The following RBL1 variants were observed in gnomAD, a reference collection of about 807,000 sequenced individuals.
The protein encoded by RBL1 is RB transcriptional corepressor like 1.
Under a neutral mutation model 123.0 loss-of-function variants are expected in RBL1, and 82 were observed. The ratio of observed to expected loss-of-function variants is 0.67; its 90% CI spans 0.56 to 0.80. The LOEUF (loss-of-function observed/expected upper bound fraction) is 0.80, where lower values mean the gene tolerates loss of function less well. RBL1 is among the 30% of genes least tolerant of loss of function. The probability of loss-of-function intolerance (pLI) is 0.00; values close to 1 mark genes in which losing one functional copy is unlikely to be tolerated. For missense variants in RBL1, 1,171 were observed against 1,299.6 expected, an observed-to-expected ratio of 0.90 and a Z score of 1.52; for synonymous variants, 405 against 441.3, an observed-to-expected ratio of 0.92 and a Z score of 1.03.
chr20:37,024,302 C>T (rs2146233382), intron 16 of RBL1, among the ~76,000 whole-genome samples: 1 of 152,218 alleles, frequency 6.6e-6, no homozygotes, highest in African/African-American at 2.4e-5. Flanking sequence ...TCTGGTCCAG[C>T]CATGCTCAGT....
At chr20:37,086,339 CACT>C (rs796883003) in intron 2 of RBL1, among the ~76,000 whole-genome samples, 6 of 152,156 alleles carry the variant, frequency 3.9e-5, no homozygotes, top group African/African-American at 1.4e-4. Flanking sequence ...ATAGTCCCAG[CACT>C]TAGGGAGGCC....
Position 37,055,592 on chromosome 20 carries a change from C to G in RBL1, c.1428G>C (p.Met476Ile), listed in dbSNP as rs775397215. 3.7e-6 allele frequency: 6 copies of G among 1,614,066 alleles called. No homozygotes were observed. The highest frequency in any genetic ancestry group is 3.3e-5 in the South Asian group (3 of 91,080). ...ILYYKILETV[M>I]VQETRRLHGM... ...CATGAAGTCTTCGTGTTTCCTGAAC[C>G]ATTACAGTCTCTAGTATTTTATAAT... The change falls in exon 11 of 22, where the codon ATG (methionine) becomes ATC (isoleucine). Residue 476 changes from methionine to isoleucine, a missense_variant. Met to Ile is a conservative substitution (Grantham distance 10). Transcript: ENST00000373664.
At chr20:37,064,562 A>G (rs534122301) in intron 7 of RBL1, among the ~76,000 whole-genome samples, 7 of 152,224 alleles carry the variant, frequency 4.6e-5, no homozygotes, top group African/African-American at 1.7e-4. Flanking sequence ...TGGGCAACAC[A>G]GTGAGATCCC....
chr20:37,036,826 C>T (rs1161723338), intron 14 of RBL1, among the ~76,000 whole-genome samples: 3 of 151,958 alleles, frequency 2.0e-5, no homozygotes, highest in Admixed American at 6.6e-5. Context: ...GGGGTTTCAC[C>T]GTGTTAGCCA....
intron 2 of RBL1, among the ~76,000 whole-genome samples, chr20:37,073,169 G>A (rs1478844118): frequency 6.6e-6 from 1 of 152,016 alleles, no homozygotes; most frequent in Non-Finnish European, 1.5e-5. Context: ...TTGTTGCCTA[G>A]ACTGATACTT....
At chr20:37,067,336 C>G in intron 3 of RBL1, 39 bp from the exon 4 acceptor site, 1 of 1,416,314 alleles carries the variant, frequency 7.1e-7, no homozygotes, top group Non-Finnish European at 9.7e-7. Context: ...CTGACTAGCT[C>G]GCTAAATATC....
intron 17 of RBL1, 98 bp downstream of exon 17, chr20:37,022,552 C>A: frequency 8.6e-7 from 1 of 1,162,932 alleles, no homozygotes; most frequent in Non-Finnish European, 1.2e-6. Flanking sequence ...GTCTCGAAAT[C>A]CTGGGCTCAA....
Position 37,095,762 on chromosome 20 carries a change from C to T in RBL1, c.156+11G>A. 5.7e-6 allele frequency: 9 copies of T among 1,577,080 alleles called. No individual in the cohort carries two copies. The highest frequency in any genetic ancestry group is 4.6e-5 in the East Asian group (2 of 43,842). Reference sequence around the variant, plus strand: ...GGGTAGGGTCCGGCCGCCCCACCTGCTGCCGCTCACCTCTAGGCTGTAGTT... The same window carrying T: ...GGGTAGGGTCCGGCCGCCCCACCTGTTGCCGCTCACCTCTAGGCTGTAGTT... On this transcript the variant is annotated intron_variant, in intron 1 of 21. Transcript: ENST00000373664.
chr20:37,010,460 T>C (rs2064133140), intron 19 of RBL1, among the ~76,000 whole-genome samples: 1 of 152,062 alleles, frequency 6.6e-6, no homozygotes, highest in African/African-American at 2.4e-5. Context: ...CAGAAATGCA[T>C]TGTTGAAATG....
Position 37,073,292 on chromosome 20 carries a change from C to CA in RBL1, c.291-5107dup, listed in dbSNP as rs562339644. Among the ~76,000 whole-genome samples the CA allele has an allele frequency of 9.9e-4, 151 of 151,866 alleles. 2 individuals are homozygous for CA. In the Middle Eastern group the frequency reaches 0.021, roughly 21 times the overall value. The stretch of plus-strand genomic sequence containing the variant: ...CAAAATGCATCAGGGTGTTTGAAAA[C>CA]AAAAAAACCTTATAGCACTGTTATA... On this transcript the variant is annotated intron_variant, in intron 2 of 21. Coordinates refer to ENST00000373664, the MANE Select transcript of RBL1 (RefSeq NM_002895.5).
chr20:36,999,506 T>C (rs926634347), intron 21 of RBL1, among the ~76,000 whole-genome samples: 2 of 141,842 alleles, frequency 1.4e-5, no homozygotes, highest in Non-Finnish European at 3.1e-5. Context: ...ACGGTCTCCC[T>C]CTCCCTCTCT....
chr20:37,067,534 C>T (rs1243559813), intron 3 of RBL1, among the ~76,000 whole-genome samples: 1 of 151,624 alleles, frequency 6.6e-6, no homozygotes, highest in Admixed American at 6.6e-5. Flanking sequence ...TCTGGGAGGC[C>T]GAGGTGGGTA....
At chr20:37,012,994 C>T (rs560849814) in intron 19 of RBL1, among the ~76,000 whole-genome samples, 1 of 152,044 alleles carries the variant, frequency 6.6e-6, no homozygotes, top group South Asian at 2.1e-4. Context: ...CGGCCAGTCA[C>T]CCCGTTGGGG....
intron 11 of RBL1, among the ~76,000 whole-genome samples, chr20:37,054,746 C>A (rs2064975648): frequency 6.6e-6 from 1 of 151,836 alleles, no homozygotes; most frequent in Non-Finnish European, 1.5e-5. Flanking sequence ...ATAAGAATCA[C>A]CTGAACCCAG....
At chr20:37,090,376 T>C (rs1229899488) in intron 1 of RBL1, among the ~76,000 whole-genome samples, 1 of 152,194 alleles carries the variant, frequency 6.6e-6, no homozygotes, top group African/African-American at 2.4e-5. Context: ...CCAGAAGAGT[T>C]TTATTAAAAT....
At chr20:37,093,008 C>T (rs2065672126) in intron 1 of RBL1, among the ~76,000 whole-genome samples, 1 of 151,998 alleles carries the variant, frequency 6.6e-6, no homozygotes, top group Admixed American at 6.6e-5. Context: ...AGAAGAGGAA[C>T]AGATACTATC....
chr20:37,057,004 T>TCTATCTACCTACCTAC (rs1266917133), intron 9 of RBL1, among the ~76,000 whole-genome samples: 2 of 147,506 alleles, frequency 1.4e-5, no homozygotes, highest in African/African-American at 2.5e-5. Context: ...TATCTATCTA[T>TCTATCTACCTACCTAC]CTACCTACCT....
intron 2 of RBL1, among the ~76,000 whole-genome samples, chr20:37,084,441 T>C (rs2065507257): frequency 1.3e-5 from 2 of 151,896 alleles, no homozygotes; most frequent in East Asian, 1.9e-4. Context: ...TTCCAAAATA[T>C]AAAGAAAAAT....
intron 2 of RBL1, among the ~76,000 whole-genome samples, chr20:37,081,006 A>G (rs1416572414): frequency 1.3e-5 from 2 of 152,142 alleles, no homozygotes; most frequent in African/African-American, 4.8e-5. Context: ...AGTCCCCAAA[A>G]ATATCTTGAG....
Sources: allele counts gnomAD v4.1 joint callset (sites outside exome capture counted in the v4.1 genomes callset), GRCh38; gene constraint gnomAD v4.1.1; transcripts MANE v1.5; gene names NCBI Gene and HGNC (gene_info 2026-07-23, HGNC 2026-07-21).